UGT2B7: variants seen among roughly 807,000 people sequenced by gnomAD.
The protein encoded by UGT2B7 is UDP-glucuronosyltransferase 2B7.
A neutral mutation model predicts 51.9 loss-of-function variants in UGT2B7; 51 were observed. That is an observed-to-expected ratio of 0.98 (90% confidence interval 0.78 to 1.24). UGT2B7 has a LOEUF of 1.24. Ranked by LOEUF, UGT2B7 falls within the 50% of genes most tolerant of loss-of-function variation. The pLI, the probability that UGT2B7 is intolerant of heterozygous loss-of-function variation, is 0.00. For missense variants in UGT2B7, 727 were observed against 628.4 expected, an observed-to-expected ratio of 1.16 and a Z score of -1.68; for synonymous variants, 225 against 211.6, an observed-to-expected ratio of 1.06 and a Z score of -0.55.
chr4:69,064,090 AAGAAAGAG>A (rs1718428838), intron 1 of UGT2B7, among the ~76,000 whole-genome samples: 1 of 97,586 alleles, frequency 1.0e-5, no homozygotes, highest in Non-Finnish European at 2.0e-5. Context: ...GAAAGAAAGA[AAGAAAGAG>A]AAAGAAAGAA....
intron 1 of UGT2B7, among the ~76,000 whole-genome samples, chr4:69,084,745 G>T (rs1318372239): frequency 6.6e-6 from 1 of 152,100 alleles, no homozygotes; most frequent in Non-Finnish European, 1.5e-5. Flanking sequence ...GTGTTAGTTT[G>T]CTGAGAATGA....
chr4:69,108,305 A>G lies in UGT2B7; in HGVS notation c.1293A>G (p.Arg431=). 1 of 1,613,510 alleles carries G rather than the reference A, an allele frequency of 6.2e-7. No homozygotes were observed. Among genetic ancestry groups the G allele is most frequent in the African/African-American group, 1.3e-5 (1 of 75,024 alleles). The change falls in exon 5 of 6, where the codon AGA becomes AGG. Residue 431 remains arginine (R), a synonymous_variant. Coordinates refer to ENST00000305231, the MANE Select transcript of UGT2B7 (RefSeq NM_001074.4). ...CAGACTTGCTGAATGCATTGAAGAG[A>G]GTAATTAATGATCCTTCGTGAGTAG... The part of the protein sequence containing the change: ...SSTDLLNALK[R]VINDPSYKEN...
At chr4:69,065,461 A>G (rs1207990679) in intron 1 of UGT2B7, among the ~76,000 whole-genome samples, 1 of 152,214 alleles carries the variant, frequency 6.6e-6, no homozygotes, top group Non-Finnish European at 1.5e-5. Context: ...ACAATTTTGG[A>G]AGTTTTTCAA....
chr4:69,107,347 A>C, intron 4 of UGT2B7, 85 bp downstream of exon 4: 1 of 1,400,500 alleles, frequency 7.1e-7, no homozygotes, highest in Non-Finnish European at 9.7e-7. Context: ...AGCTTATTGA[A>C]TATTTGTTAA....
intron 1 of UGT2B7, among the ~76,000 whole-genome samples, chr4:69,064,112 A>AAGAAAGAAAGAGAGAGAGAGAAAG: frequency 1.2e-5 from 1 of 86,848 alleles, no homozygotes; most frequent in East Asian, 4.4e-4. Flanking sequence ...GAAAGAAAGA[A>AAGAAAGAAAGAGAGAGAGAGAAAG]AAAGAAAGAA....
intron 1 of UGT2B7, among the ~76,000 whole-genome samples, chr4:69,078,953 T>C (rs1443220770): frequency 6.6e-6 from 1 of 152,166 alleles, no homozygotes; most frequent in Non-Finnish European, 1.5e-5. Context: ...ACACTCTACC[T>C]GAACTCACAC....
chr4:69,094,019 G>A (rs1719152752), upstream of UGT2B7, among the ~76,000 whole-genome samples: 1 of 151,516 alleles, frequency 6.6e-6, no homozygotes, highest in African/African-American at 2.4e-5. Flanking sequence ...CTCATATTAA[G>A]TGTTTTCACT....
intron 2 of UGT2B7, among the ~76,000 whole-genome samples, chr4:69,101,206 C>T (rs1577923551): frequency 6.6e-6 from 1 of 151,746 alleles, no homozygotes; most frequent in Non-Finnish European, 1.5e-5. Context: ...AAAATGTATA[C>T]ATAATAAGAT....
At chr4:69,057,511 C>A (rs1248061955) in intron 1 of UGT2B7, among the ~76,000 whole-genome samples, 1 of 152,168 alleles carries the variant, frequency 6.6e-6, no homozygotes, top group Non-Finnish European at 1.5e-5. Context: ...CCATATGATG[C>A]AGCAATCCCT....
chr4:69,072,143 G>T (rs7660021), intron 1 of UGT2B7, among the ~76,000 whole-genome samples: 65,095 of 151,792 alleles, frequency 0.43, 15,496 homozygotes, highest in African/African-American at 0.64. Context: ...AGGTTTACTT[G>T]ATAGAGACTC....
At chr4:69,082,094 C>T (rs933927774) in intron 1 of UGT2B7, among the ~76,000 whole-genome samples, 6 of 151,894 alleles carry the variant, frequency 4.0e-5, no homozygotes, top group Non-Finnish European at 7.4e-5. Flanking sequence ...AATTGGTTTG[C>T]GGCATCACAA....
In UGT2B7 at chr4:69,052,569, C is replaced by CAA. The variant is rs1204317464; in HGVS notation, c.-159+989_-159+990dup. 6.3e-3 allele frequency among the ~76,000 whole-genome samples: 408 copies of CAA among 64,536 alleles called. 2 individuals are homozygous for CAA. The highest frequency in any genetic ancestry group is 0.03 in the Middle Eastern group (2 of 66). 42.3% of individuals were successfully genotyped at this position (64,536 alleles called of 152,430 possible). On this transcript the variant is annotated intron_variant, in intron 1 of 5. Coordinates refer to the UGT2B7 transcript ENST00000502942. ...TTAAAAAAAAAGAAATGGTTATCTT[C>CAA]AAAAAAAAAAAAAAAAAAAAAAAGA...
At chr4:69,098,115 G>A (rs1719300247) in intron 1 of UGT2B7, among the ~76,000 whole-genome samples, 1 of 152,002 alleles carries the variant, frequency 6.6e-6, no homozygotes, top group Non-Finnish European at 1.5e-5. Flanking sequence ...AATGAGTTGT[G>A]TAAACTAGAC....
intron 1 of UGT2B7, among the ~76,000 whole-genome samples, chr4:69,081,876 AG>A (rs751038642): frequency 1.1e-4 from 16 of 152,182 alleles, no homozygotes; most frequent in East Asian, 1.9e-4. Flanking sequence ...ACACATATTT[AG>A]GTTTTTTTGT....
chr4:69,102,656 A>T, intron 2 of UGT2B7, 151 bp from the exon 3 acceptor site: 2 of 1,227,488 alleles, frequency 1.6e-6, no homozygotes, highest in Non-Finnish European at 2.2e-6. Context: ...TTGCAAAAAA[A>T]CTGAGTGATT....
chr4:69,066,752 T>A (rs978263294), intron 1 of UGT2B7, among the ~76,000 whole-genome samples: 1 of 152,028 alleles, frequency 6.6e-6, no homozygotes, highest in Admixed American at 6.6e-5. Context: ...TTTCACAAAA[T>A]TTTTTTTCAA....
At chr4:69,106,602 G>C (rs770812152) in intron 3 of UGT2B7, among the ~76,000 whole-genome samples, 35 of 152,088 alleles carry the variant, frequency 2.3e-4, no homozygotes, top group Non-Finnish European at 4.1e-4. Context: ...TTTATAGTCC[G>C]TTGGTTATAT....
chr4:69,073,462 A>G (rs181423821), intron 1 of UGT2B7, among the ~76,000 whole-genome samples: 16 of 152,290 alleles, frequency 1.1e-4, no homozygotes, highest in Non-Finnish European at 2.2e-4. Flanking sequence ...TTTTCATAAA[A>G]GATCTAGAAT....
At chr4:69,079,792 T>C (rs1179673494) in intron 1 of UGT2B7, among the ~76,000 whole-genome samples, 1 of 152,102 alleles carries the variant, frequency 6.6e-6, no homozygotes, top group African/African-American at 2.4e-5. Flanking sequence ...GCATATACAA[T>C]GTGAACATAA....
Sources: gnomAD v4.1 joint callset for allele counts (sites outside exome capture counted in the v4.1 genomes callset) on GRCh38, gnomAD v4.1.1 for gene constraint, MANE v1.5 for transcripts, NCBI Gene and HGNC (gene_info 2026-07-23, HGNC 2026-07-21) for gene names.